Variants in TRANK1 observed in about 807,000 individuals in gnomAD.
TRANK1 encodes TPR and ankyrin repeat-containing protein 1.
In TRANK1, 198 loss-of-function variants were observed where a neutral mutation model predicts 266.0. That is an observed-to-expected ratio of 0.74 (90% confidence interval 0.66 to 0.84). The LOEUF is 0.84. Ranked by LOEUF, TRANK1 falls within the 40% of genes least tolerant of loss-of-function variation. The pLI is 0.00. For synonymous variants in TRANK1, 1,396 were observed against 1,384.1 expected, an observed-to-expected ratio of 1.01 and a Z score of -0.19; for missense variants, 3,326 against 3,634.6, an observed-to-expected ratio of 0.92 and a Z score of 2.18.
chr3:36,866,093 A>G (rs2079220389), intron 9 of TRANK1, among the ~76,000 whole-genome samples: 1 of 151,786 alleles, frequency 6.6e-6, no homozygotes, highest in African/African-American at 2.4e-5. Context: ...AGAAAGAAAG[A>G]AAGAAAGAAA....
At chr3:36,908,606 G>A in intron 1 of TRANK1, 152 bp from the exon 2 acceptor site, 1 of 1,230,086 alleles carries the variant, frequency 8.1e-7, no homozygotes, top group Non-Finnish European at 1.0e-6. Flanking sequence ...CTCACCACCA[G>A]GAAACCAGGC....
At chr3:36,888,478 GTATAT>G (rs1291099454) in intron 8 of TRANK1, among the ~76,000 whole-genome samples, 2 of 152,166 alleles carry the variant, frequency 1.3e-5, no homozygotes, top group African/African-American at 4.8e-5. Flanking sequence ...AAATTATATA[GTATAT>G]GAATAATATT....
chr3:36,927,674 C>T (rs759235759), intron 1 of TRANK1, among the ~76,000 whole-genome samples: 3 of 152,188 alleles, frequency 2.0e-5, no homozygotes, highest in Non-Finnish European at 4.4e-5. Context: ...GCCCAGTGGT[C>T]GCTCACCCCC....
At position 36,829,605 on chromosome 3, in the gene TRANK1, C is replaced by T. The variant is rs779444903; in HGVS notation, c.8768G>A (p.Arg2923Gln). 9 of 1,614,016 alleles carry T rather than the reference C, an allele frequency of 5.6e-6. No homozygotes were observed. The highest frequency in any genetic ancestry group is 6.8e-6 in the Non-Finnish European group (8 of 1,179,894). The stretch of plus-strand genomic sequence containing the variant: ...GGTCTCTGTTTTCATCAACCAGTCT[C>T]GTGCATCCCTGACTGACAGGATCAG... ...NILILSVRDA[R>Q]DWLMKTETRL... Residue 2923 changes from arginine (R) to glutamine (Q), a missense_variant, in exon 23 of 24, where the codon CGA (arginine) becomes CAA (glutamine). Physicochemically the swap from Arg to Gln is conservative, Grantham distance 43. Transcript: ENST00000645898.
chr3:36,856,658 T>C lies in TRANK1; in HGVS notation c.3064A>G (p.Thr1022Ala). 2 of 1,614,018 alleles carry C rather than the reference T, an allele frequency of 1.2e-6. No individual in the cohort carries two copies. The highest frequency in any genetic ancestry group is 2.2e-5 in the East Asian group (1 of 44,888). Reference sequence around the variant, plus strand: ...TGGAACTTCATGATGTTATATTCTGTCTCCACTGCACTGGCTGGGGGAAAG... The same window carrying C: ...TGGAACTTCATGATGTTATATTCTGCCTCCACTGCACTGGCTGGGGGAAAG... ...EYFPPASAVE[T>A]EYNIMKFHSF... Residue 1022 changes from threonine (T) to alanine (A), a missense_variant, in exon 13 of 24, where the codon ACA (threonine) becomes GCA (alanine). Transcript: ENST00000645898.
intron 1 of TRANK1, among the ~76,000 whole-genome samples, chr3:36,928,069 T>G (rs1053876918): frequency 1.3e-5 from 2 of 152,218 alleles, no homozygotes; most frequent in African/African-American, 4.8e-5. Context: ...ATTCCCTGAT[T>G]AGTGCCCACA....
chr3:36,860,814 C>G (rs2079131445), intron 11 of TRANK1, 92 bp downstream of exon 11: 22 of 1,487,322 alleles, frequency 1.5e-5, no homozygotes, highest in Middle Eastern at 1.7e-4. Context: ...CATGGTGCCT[C>G]CAAAAGCAAG....
intron 3 of TRANK1, among the ~76,000 whole-genome samples, chr3:36,900,093 C>G (rs142911460): frequency 2.6e-5 from 4 of 152,308 alleles, no homozygotes; most frequent in African/African-American, 9.6e-5. Context: ...CTCCTGGCCT[C>G]AAGCATCTTC....
chr3:36,874,138 T>C lies in TRANK1; in HGVS notation c.1066A>G (p.Lys356Glu). 1 of 1,537,270 alleles carries C rather than the reference T, an allele frequency of 6.5e-7. No individual in the cohort carries two copies. The highest frequency in any genetic ancestry group is 8.7e-7 in the Non-Finnish European group (1 of 1,146,804). Residue 356 changes from lysine (K) to glutamate (E), a missense_variant, in exon 9 of 24, where the codon AAG becomes GAG. Transcript: ENST00000645898. Reference sequence around the variant, plus strand: ...CTGGAAGCTGTACCTGATAGGTCCTTAGAACACGTAGCTAGCTTTTCTAAG... The same window carrying C: ...CTGGAAGCTGTACCTGATAGGTCCTCAGAACACGTAGCTAGCTTTTCTAAG... ...SHLEKLATCS[K>E]DLSGFSNGDG... is the part of the protein sequence containing the mutation.
At chr3:36,922,598 C>G (rs1488860186) in intron 1 of TRANK1, among the ~76,000 whole-genome samples, 1 of 151,712 alleles carries the variant, frequency 6.6e-6, no homozygotes, top group Non-Finnish European at 1.5e-5. Flanking sequence ...AAGTGAAACT[C>G]CATCTCAAAA....
rs767656460 is a variant in TRANK1 at position 36,831,467 on chromosome 3, G to T, written c.8116C>A (p.Leu2706Met). The T allele has an allele frequency of 3.1e-6, 5 of 1,613,222 alleles. No homozygotes were observed. The highest frequency in any genetic ancestry group is 4.2e-6 in the Non-Finnish European group (5 of 1,179,618). ...ELALEDRDHV[L>M]ATILSQKQRK... ...TGCTTTTGGGAAAGAATGGTGGCCA[G>T]GACGTGGTCTCGGTCTTCTAATGCC... Residue 2706 changes from leucine to methionine, a missense_variant, in exon 22 of 24, where the codon CTG becomes ATG. Coordinates refer to ENST00000645898, the MANE Select transcript of TRANK1 (RefSeq NM_001329998.2). The surrounding 1 kb of genome is among the most constrained non-coding windows in gnomAD (Gnocchi z 5.0).
At chr3:36,847,459 C>G in intron 15 of TRANK1, 113 bp from the exon 16 acceptor site, 1 of 1,122,036 alleles carries the variant, frequency 8.9e-7, no homozygotes, top group Non-Finnish European at 1.3e-6. Context: ...GCCTTCAACC[C>G]CAACTTTGAG....
Position 36,832,966 on chromosome 3 carries a change from C to T in TRANK1, c.6617G>A (p.Cys2206Tyr). 1 of 1,611,324 alleles carries T rather than the reference C, an allele frequency of 6.2e-7. No homozygotes were observed. The highest frequency in any genetic ancestry group is 8.5e-7 in the Non-Finnish European group (1 of 1,178,420). The change falls in exon 22 of 24, where the codon TGT becomes TAT. Residue 2206 changes from cysteine (C) to tyrosine (Y), a missense_variant. Cys to Tyr is a radical substitution (Grantham distance 194, BLOSUM62 -2). Transcript: ENST00000645898. The part of the protein sequence containing the change: ...IVGLKCEDEN[C>Y]EHFHRPLRRC... ...CCGCAGAGGCCTGTGAAAATGTTCA[C>T]AGTTTTCATCCTCACATTTTAAGCC...
chr3:36,838,439 G>A lies in TRANK1; in HGVS notation c.5450C>T (p.Ser1817Phe), dbSNP rs1166439561. ...TYLECKEPTL[S>F]LKCLSYAKEF... ...CTTGGCATAGCTCAGACACTTAAGG[G>A]ACAGTGTTGGCTCTTTGCACTCCAA... The change falls in exon 20 of 24, where the codon TCC becomes TTC. Residue 1817 changes from serine to phenylalanine, a missense_variant. Transcript: ENST00000645898. The A allele has an allele frequency of 6.2e-7, 1 of 1,614,038 alleles. No individual in the cohort carries two copies. The highest frequency in any genetic ancestry group is 8.5e-7 in the Non-Finnish European group (1 of 1,179,892).
intron 1 of TRANK1, among the ~76,000 whole-genome samples, chr3:36,942,626 C>T (rs1282355018): frequency 6.6e-6 from 1 of 151,998 alleles, no homozygotes; most frequent in Non-Finnish European, 1.5e-5. Flanking sequence ...GAAGCATCTG[C>T]GGTCTGTCTT....
intron 1 of TRANK1, among the ~76,000 whole-genome samples, chr3:36,913,593 A>G (rs1229088754): frequency 6.6e-6 from 1 of 152,042 alleles, no homozygotes; most frequent in African/African-American, 2.4e-5. Flanking sequence ...ATAAAAATCC[A>G]AAGTCAGAAT....
At chr3:36,895,988 G>A (rs1460312149) in intron 4 of TRANK1, among the ~76,000 whole-genome samples, 1 of 152,102 alleles carries the variant, frequency 6.6e-6, no homozygotes, top group Admixed American at 6.6e-5. Context: ...ATTAACATTC[G>A]CTTTGCCTTT....
At chr3:36,830,774 T>C (rs2078681691) in intron 22 of TRANK1, 99 bp downstream of exon 22, 1 of 1,324,120 alleles carries the variant, frequency 7.6e-7, no homozygotes, top group African/African-American at 1.5e-5. Flanking sequence ...GATTCCACCA[T>C]CCCCAAGTCA....
chr3:36,857,975 T>C lies in TRANK1; in HGVS notation c.1747A>G (p.Asn583Asp), dbSNP rs759495645. 1 of 1,599,990 alleles carries C rather than the reference T, an allele frequency of 6.3e-7. No individual in the cohort carries two copies. Among genetic ancestry groups the C allele is most frequent in the South Asian group, 1.1e-5 (1 of 91,038 alleles). Residue 583 changes from asparagine (N) to aspartate (D), a missense_variant, in exon 13 of 24, where the codon AAC becomes GAC. By Grantham distance (23) the Asn-to-Asp change is conservative (BLOSUM62 1). Transcript: ENST00000645898. This position sits in a 1 kb window ranked among gnomAD's most constrained non-coding sequence, Gnocchi z 4.3. Reference sequence around the variant, plus strand: ...CCATTGCTGTCCTGGACATTGGGGTTGAGGTAGTCGAATTCAGTGGGGTTG... The same window carrying C: ...CCATTGCTGTCCTGGACATTGGGGTCGAGGTAGTCGAATTCAGTGGGGTTG... ...WSNPTEFDYL[N>D]PNVQDSNGNT... is the part of the protein sequence containing the mutation.
Sources: allele counts gnomAD v4.1 joint callset (sites outside exome capture counted in the v4.1 genomes callset), GRCh38; gene constraint gnomAD v4.1.1; non-coding constraint Gnocchi (gnomAD v3.1); transcripts MANE v1.5; gene names NCBI Gene and HGNC (gene_info 2026-07-23, HGNC 2026-07-21).